Variants in MCOLN2 observed in about 807,000 individuals in gnomAD.
The protein encoded by MCOLN2 is mucolipin TRP cation channel 2.
In MCOLN2, 57 loss-of-function variants were observed where a neutral mutation model predicts 67.5. That is an observed-to-expected ratio of 0.84 (90% CI 0.68 to 1.05). MCOLN2 has a LOEUF of 1.05. Among genes scored for constraint, MCOLN2 ranks in the 50% least tolerant of loss-of-function variants. The pLI is 0.00. For synonymous variants in MCOLN2, 246 were observed against 233.3 expected (o/e 1.05, Z -0.50); for missense variants, 620 against 678.8 (o/e 0.91, Z 0.96).
chr1:84,958,475 G>T, intron 3 of MCOLN2, 54 bp downstream of exon 3: 2 of 1,425,770 alleles, frequency 1.4e-6, no homozygotes, highest in East Asian at 2.6e-5. Context: ...GCTAAGACAA[G>T]GCCAAGTATC....
chr1:84,969,157 T>C (rs529268395), intron 1 of MCOLN2, among the ~76,000 whole-genome samples: 1 of 152,336 alleles, frequency 6.6e-6, no homozygotes, highest in African/African-American at 2.4e-5. Context: ...GTATCCCTTG[T>C]AACAACCTTT....
chr1:84,953,935 A>G (rs1451447475), intron 4 of MCOLN2, among the ~76,000 whole-genome samples: 2 of 152,160 alleles, frequency 1.3e-5, no homozygotes, highest in African/African-American at 4.8e-5. Flanking sequence ...TTTGAAATGG[A>G]AAAGTTGGGG....
At chr1:84,990,458 T>C (rs1003410435) in intron 1 of MCOLN2, among the ~76,000 whole-genome samples, 10 of 151,634 alleles carry the variant, frequency 6.6e-5, no homozygotes, top group Admixed American at 1.3e-4. Flanking sequence ...AAAAAAAGAA[T>C]CAAACTTCTA....
chr1:84,982,252 A>C (rs1292018041), intron 1 of MCOLN2, among the ~76,000 whole-genome samples: 1 of 152,196 alleles, frequency 6.6e-6, no homozygotes, highest in African/African-American at 2.4e-5. Context: ...GACACTATGA[A>C]GTCATAACAT....
At position 84,952,504 on chromosome 1, in the gene MCOLN2, G is replaced by A. The variant is rs372283138; in HGVS notation, c.592C>T (p.Leu198Phe). ...TTCCAGTCCGGAGGCTTCTTGGAGA[G>A]GTCCTGAAGGTCTAATTGAACACAA... is the stretch of plus-strand genomic sequence containing the variant. The part of the protein sequence containing the change: ...LDCVQLDLQD[L>F]SKKPPDWKNS... Residue 198 changes from leucine (L) to phenylalanine (F), a missense_variant, in exon 5 of 14, where the codon CTC becomes TTC. Coordinates refer to ENST00000370608, the MANE Select transcript of MCOLN2 (RefSeq NM_153259.4). The A allele has an allele frequency of 2.1e-5, 34 of 1,611,948 alleles. No individual in the cohort carries two copies. In the African/African-American group the frequency reaches 4.0e-4, roughly 19 times the overall value.
At chr1:84,930,507 C>T (rs371108628) in intron 12 of MCOLN2, among the ~76,000 whole-genome samples, 8 of 152,214 alleles carry the variant, frequency 5.3e-5, no homozygotes, top group Admixed American at 3.9e-4. Flanking sequence ...TTGGCCCCCA[C>T]CACGCAGAGA....
intron 2 of MCOLN2, 31 bp downstream of exon 2, chr1:84,965,517 GA>G: frequency 6.2e-7 from 1 of 1,604,474 alleles, no homozygotes; most frequent in South Asian, 1.1e-5. Context: ...TGTGGTAAGG[GA>G]AAAACCAAAT....
Position 84,926,998 on chromosome 1 carries a change from T to G in MCOLN2, c.1665-277A>C, listed in dbSNP as rs934614219. On this transcript the variant is annotated intron_variant, in intron 13 of 13. Transcript: ENST00000370608. ...AGGAGTCACCTGTCTCTTAAGAACC[T>G]CCATGCCCCCAGGGAGGGGAACATC... Among the ~76,000 whole-genome samples the G allele has an allele frequency of 3.4e-5, 5 of 145,050 alleles. No individual in the cohort carries two copies. The Admixed American group carries it at 3.6e-4, about 10-fold the overall frequency.
chr1:84,952,394 C>T (rs1648537752), intron 5 of MCOLN2, 52 bp downstream of exon 5: 1 of 1,563,608 alleles, frequency 6.4e-7, no homozygotes, highest in South Asian at 1.1e-5. Flanking sequence ...ATATACTATT[C>T]TCCTTCTCCC....
intron 4 of MCOLN2, among the ~76,000 whole-genome samples, chr1:84,953,202 T>C (rs1295689093): frequency 6.6e-6 from 1 of 152,144 alleles, no homozygotes; most frequent in Non-Finnish European, 1.5e-5. Flanking sequence ...ATAGCATGTC[T>C]GCACCTCCAG....
chr1:84,934,015 G>A (rs923423867), intron 11 of MCOLN2, among the ~76,000 whole-genome samples: 1 of 152,178 alleles, frequency 6.6e-6, no homozygotes, highest in Non-Finnish European at 1.5e-5. Flanking sequence ...TTCCATAGTA[G>A]AAGTGAGCTT....
intron 9 of MCOLN2, 120 bp from the exon 10 acceptor site, chr1:84,938,202 G>C: frequency 2.0e-6 from 1 of 500,702 alleles, no homozygotes; most frequent in African/African-American, 2.0e-5. Flanking sequence ...ATAGGTGATA[G>C]AGTTTTTTTT....
At chr1:84,947,284 C>T (rs1648165685) in intron 6 of MCOLN2, 152 bp from the exon 7 acceptor site, 1 of 592,936 alleles carries the variant, frequency 1.7e-6, no homozygotes, top group Non-Finnish European at 3.0e-6. Context: ...AATTACTTGA[C>T]ACTCATTTCC....
At chr1:84,956,304 T>C in intron 4 of MCOLN2, 127 bp downstream of exon 4, 4 of 824,078 alleles carry the variant, frequency 4.9e-6, no homozygotes, top group Non-Finnish European at 7.8e-6. Flanking sequence ...AGTGTTGGAG[T>C]GTCAGCCCCT....
chr1:84,936,961 C>G (rs11161490), intron 11 of MCOLN2, among the ~76,000 whole-genome samples: 32,538 of 152,182 alleles, frequency 0.21, 4,428 homozygotes, highest in Non-Finnish European at 0.3. Flanking sequence ...CACCGAAATG[C>G]CCAGCAGAGT....
chr1:84,969,757 C>T (rs1262460833), intron 1 of MCOLN2, among the ~76,000 whole-genome samples: 2 of 152,118 alleles, frequency 1.3e-5, no homozygotes, highest in African/African-American at 4.8e-5. Context: ...GGCTGAATAA[C>T]CCTGAACTGC....
chr1:84,947,978 G>A (rs766981234), intron 6 of MCOLN2, among the ~76,000 whole-genome samples: 1 of 152,250 alleles, frequency 6.6e-6, no homozygotes, highest in Non-Finnish European at 1.5e-5. Context: ...ACAGCAGGAA[G>A]CTGCCAAACA....
At chr1:84,947,181 C>T (rs1204479468) in intron 6 of MCOLN2, 49 bp from the exon 7 acceptor site, 1 of 919,994 alleles carries the variant, frequency 1.1e-6, no homozygotes, top group Admixed American at 1.8e-5. Flanking sequence ...GAAAGTATAA[C>T]ATGTTAGATC....
intron 1 of MCOLN2, among the ~76,000 whole-genome samples, chr1:84,970,962 A>G (rs1490044658): frequency 6.6e-6 from 1 of 152,216 alleles, no homozygotes; most frequent in African/African-American, 2.4e-5. Context: ...TTGCCCTAAG[A>G]AACTTTATTA....
Sources: allele counts gnomAD v4.1 joint callset (sites outside exome capture counted in the v4.1 genomes callset), GRCh38; gene constraint gnomAD v4.1.1; transcripts MANE v1.5; gene names NCBI Gene and HGNC (gene_info 2026-07-23, HGNC 2026-07-21).